Variants in JADE3 observed in about 807,000 individuals in gnomAD.
The protein encoded by JADE3 is jade family PHD finger 3, also known as protein Jade-3.
In JADE3, 2 loss-of-function variants were observed where a neutral mutation model predicts 50.1. The observed-to-expected ratio is 0.04, with a 90% CI of 0.02 to 0.13. The LOEUF is 0.13. Ranked by LOEUF, JADE3 falls within the 10% of genes least tolerant of loss-of-function variation. The pLI is 1.00. For missense variants in JADE3, 475 were observed against 634.4 expected (o/e 0.75, Z 2.70); for synonymous variants, 218 against 232.9 (o/e 0.94, Z 0.58).
At chrX:47,045,035 A>G (rs1201737893) in intron 8 of JADE3, among the ~76,000 whole-genome samples, 1 of 111,779 alleles carries the variant, frequency 8.9e-6, no homozygotes, top group Non-Finnish European at 1.9e-5. Flanking sequence ...AGAAAAGACC[A>G]CAAGACAACC....
intron 1 of JADE3, among the ~76,000 whole-genome samples, chrX:46,964,359 A>T (rs1927325242): frequency 8.9e-6 from 1 of 111,885 alleles, no homozygotes; most frequent in Non-Finnish European, 1.9e-5. Flanking sequence ...CATAAAAGGC[A>T]ATCTGCCTTG....
At position 47,054,610 on chromosome X, in the gene JADE3, A is replaced by G. The variant is rs782211622; in HGVS notation, c.1425A>G (p.Leu475=). ...IHTRMRMFMH[L]RQDLERVRNL... ...CTCGAATGAGAATGTTTATGCATCT[A>G]CGCCAGGACCTGGAGAGGGTAAGGT... The change falls in exon 9 of 11, where the codon CTA becomes CTG. Residue 475 remains leucine, a synonymous_variant. Transcript: ENST00000614628. 4 of 1,193,897 alleles carry G rather than the reference A, an allele frequency of 3.4e-6. No individual in the cohort carries two copies. The South Asian group carries it at 5.4e-5, about 16-fold the overall frequency.
intron 5 of JADE3, among the ~76,000 whole-genome samples, chrX:47,027,472 T>C (rs1246231037): frequency 2.7e-5 from 3 of 112,171 alleles, no homozygotes; most frequent in Non-Finnish European, 5.6e-5. Context: ...GCTAACTTGC[T>C]AAGAATGAAT....
chrX:46,962,748 T>C (rs1927288296), intron 1 of JADE3, among the ~76,000 whole-genome samples: 1 of 111,869 alleles, frequency 8.9e-6, no homozygotes, highest in Admixed American at 9.5e-5. Context: ...AATCCTGCAG[T>C]ATTAGATTGA....
chrX:47,027,552 T>C (rs782598642), intron 5 of JADE3, among the ~76,000 whole-genome samples: 21 of 111,983 alleles, frequency 1.9e-4, no homozygotes, highest in African/African-American at 6.8e-4. Flanking sequence ...ATTATAAAGC[T>C]TGGTGAAAGT....
chrX:47,002,929 A>G (rs920188718), intron 4 of JADE3, among the ~76,000 whole-genome samples: 3 of 111,406 alleles, frequency 2.7e-5, no homozygotes, highest in Non-Finnish European at 3.8e-5. Flanking sequence ...GATATTAACT[A>G]TAGGGTTTTT....
At chrX:46,935,214 A>T (rs1322202062) in intron 1 of JADE3, among the ~76,000 whole-genome samples, 1 of 112,138 alleles carries the variant, frequency 8.9e-6, no homozygotes, top group African/African-American at 3.3e-5. Flanking sequence ...GATTACAGAC[A>T]TGAGCCACTG....
chrX:47,004,995 A>G (rs1923142030), intron 4 of JADE3, among the ~76,000 whole-genome samples: 1 of 111,811 alleles, frequency 8.9e-6, no homozygotes, highest in Non-Finnish European at 1.9e-5. Flanking sequence ...AGCATTTTAT[A>G]TAATGCAAAC....
At chrX:47,017,023 TTACTC>T (rs1928690799) in intron 4 of JADE3, among the ~76,000 whole-genome samples, 1 of 111,931 alleles carries the variant, frequency 8.9e-6, no homozygotes, top group East Asian at 2.8e-4. Context: ...GGTGCTAGAA[TTACTC>T]TACTCGAGCT....
At chrX:46,917,793 A>G (rs1556336690) in intron 1 of JADE3, among the ~76,000 whole-genome samples, 2 of 49,127 alleles carry the variant, frequency 4.1e-5, no homozygotes, top group African/African-American at 9.1e-5. Flanking sequence ...CTCTAATGGG[A>G]GGTCTGTCTC....
intron 3 of JADE3, among the ~76,000 whole-genome samples, chrX:46,991,679 G>A (rs1397165979): frequency 9.0e-6 from 1 of 111,699 alleles, no homozygotes; most frequent in Non-Finnish European, 1.9e-5. Context: ...AGTCACACCA[G>A]CAATATATGA....
At chrX:46,949,126 A>G (rs1417881855) in intron 1 of JADE3, among the ~76,000 whole-genome samples, 5 of 108,153 alleles carry the variant, frequency 4.6e-5, no homozygotes, top group Non-Finnish European at 9.6e-5. Flanking sequence ...TTTGGTAGAG[A>G]TGGGGTTTCG....
chrX:47,051,207 G>T (rs1196014981), intron 8 of JADE3, among the ~76,000 whole-genome samples: 1 of 111,558 alleles, frequency 9.0e-6, no homozygotes, highest in African/African-American at 3.3e-5. Context: ...TGGATTAGAT[G>T]ATCTTAGAAT....
intron 1 of JADE3, among the ~76,000 whole-genome samples, chrX:46,966,129 T>A (rs2147122483): frequency 8.9e-6 from 1 of 112,111 alleles, no homozygotes; most frequent in East Asian, 2.8e-4. Context: ...TGATTGGATG[T>A]TCCAGGGTAA....
intron 1 of JADE3, among the ~76,000 whole-genome samples, chrX:46,977,737 G>C (rs1927657326): frequency 9.0e-6 from 1 of 111,662 alleles, no homozygotes; most frequent in Non-Finnish European, 1.9e-5. Flanking sequence ...AAGGGGAAGA[G>C]GGTAACCGGG....
chrX:46,917,933 C>T (rs1457004407), intron 1 of JADE3, among the ~76,000 whole-genome samples: 1 of 106,151 alleles, frequency 9.4e-6, no homozygotes, highest in African/African-American at 3.4e-5. Flanking sequence ...TCCAGGGAAG[C>T]ATATAGTGAG....
chrX:47,048,458 A>G (rs1929425317), intron 8 of JADE3, among the ~76,000 whole-genome samples: 1 of 112,294 alleles, frequency 8.9e-6, no homozygotes, highest in African/African-American at 3.2e-5. Flanking sequence ...AATGTCCATC[A>G]ACTCGATGAA....
chrX:46,962,200 C>T (rs782459428), intron 1 of JADE3, among the ~76,000 whole-genome samples: 23 of 111,723 alleles, frequency 2.1e-4, no homozygotes, highest in Non-Finnish European at 3.6e-4. Context: ...GGAATCCTGC[C>T]TCTTAGGCTT....
At chrX:46,922,826 C>T (rs1556338053) in intron 1 of JADE3, among the ~76,000 whole-genome samples, 2 of 111,488 alleles carry the variant, frequency 1.8e-5, no homozygotes, top group Non-Finnish European at 3.8e-5. Flanking sequence ...TCTGCATTTA[C>T]TGAGTCTGGA....
Sources: allele counts gnomAD v4.1 joint callset (sites outside exome capture counted in the v4.1 genomes callset), GRCh38; gene constraint gnomAD v4.1.1; transcripts MANE v1.5; gene names NCBI Gene and HGNC (gene_info 2026-07-23, HGNC 2026-07-21).